Variants in PEX5L observed in about 807,000 individuals in gnomAD.
The protein encoded by PEX5L is peroxisomal biogenesis factor 5 like.
Under a neutral mutation model 84.0 loss-of-function variants are expected in PEX5L, and 30 were observed. The observed-to-expected ratio is 0.36, with a 90% CI of 0.27 to 0.48. PEX5L has a LOEUF of 0.48. Among genes scored for constraint, PEX5L ranks in the 20% least tolerant of loss-of-function variants. The pLI, the probability that PEX5L is intolerant of heterozygous loss-of-function variation, is 0.99. For synonymous variants in PEX5L, 270 were observed against 283.1 expected (o/e 0.95, Z 0.46); for missense variants, 533 against 754.6 (o/e 0.71, Z 3.44).
chr3:180,023,749 T>TAC (rs1241593796), intron 1 of PEX5L, among the ~76,000 whole-genome samples: 46 of 149,000 alleles, frequency 3.1e-4, no homozygotes, highest in African/African-American at 1.1e-3. Context: ...ACCACTCATC[T>TAC]ACACACACAC....
At chr3:179,810,724 G>C (rs796409664) in intron 11 of PEX5L, among the ~76,000 whole-genome samples, 19 of 152,302 alleles carry the variant, frequency 1.2e-4, no homozygotes, top group African/African-American at 4.6e-4. Flanking sequence ...ACTGGGTAGA[G>C]AGGTTCTTAA....
chr3:179,815,787 C>T (rs1335997825), intron 10 of PEX5L, 74 bp downstream of exon 10: 1 of 1,505,606 alleles, frequency 6.6e-7, no homozygotes, highest in Non-Finnish European at 9.2e-7. Context: ...GCTGACCCAG[C>T]AGAGTTCTGT....
At chr3:179,822,525 C>A (rs377128115) in intron 8 of PEX5L, among the ~76,000 whole-genome samples, 1 of 152,228 alleles carries the variant, frequency 6.6e-6, no homozygotes, top group African/African-American at 2.4e-5. Flanking sequence ...TTACAGAAGA[C>A]TACTTTTAGT....
intron 2 of PEX5L, among the ~76,000 whole-genome samples, chr3:179,966,282 G>A (rs1219856379): frequency 6.6e-6 from 1 of 152,132 alleles, no homozygotes. Context: ...GGAGGTTTCT[G>A]TTCTTCTGAC....
At chr3:180,034,670 T>C (rs1791743185) in intron 1 of PEX5L, among the ~76,000 whole-genome samples, 1 of 152,166 alleles carries the variant, frequency 6.6e-6, no homozygotes, top group Non-Finnish European at 1.5e-5. Context: ...TAATGGTTAA[T>C]AGTAAGTAGG....
intron 8 of PEX5L, among the ~76,000 whole-genome samples, chr3:179,841,901 A>G (rs1737458091): frequency 6.6e-6 from 1 of 152,228 alleles, no homozygotes; most frequent in Non-Finnish European, 1.5e-5. Context: ...TATCAATTTC[A>G]CCACCACAAA....
chr3:180,022,524 A>G (rs896081682), intron 1 of PEX5L, among the ~76,000 whole-genome samples: 16 of 152,366 alleles, frequency 1.1e-4, no homozygotes, highest in African/African-American at 3.8e-4. Flanking sequence ...TTAAAACATT[A>G]AAGTAATACA....
At chr3:179,837,196 A>G (rs1368316466) in intron 8 of PEX5L, among the ~76,000 whole-genome samples, 3 of 152,158 alleles carry the variant, frequency 2.0e-5, no homozygotes, top group Admixed American at 2.0e-4. Flanking sequence ...GAAAACCTAT[A>G]AGCTGAAAGT....
At chr3:179,840,170 T>TGA (rs1736565462) in intron 8 of PEX5L, among the ~76,000 whole-genome samples, 2 of 110,556 alleles carry the variant, frequency 1.8e-5, no homozygotes, top group African/African-American at 7.5e-5. Context: ...TTTGTGTGTG[T>TGA]GTGTGTGTGT....
At chr3:179,821,113 C>T (rs1728360747) in intron 8 of PEX5L, among the ~76,000 whole-genome samples, 2 of 152,126 alleles carry the variant, frequency 1.3e-5, no homozygotes, top group Middle Eastern at 3.4e-3. Flanking sequence ...GGCGGGGCGG[C>T]GGGTGGGGGA....
intron 14 of PEX5L, 29 bp from the exon 15 acceptor site, chr3:179,802,061 A>G (rs1446773564): frequency 6.8e-7 from 1 of 1,466,650 alleles, no homozygotes; most frequent in Admixed American, 1.7e-5. Flanking sequence ...ATATTTTAAA[A>G]TGAGTCACAT....
At chr3:179,943,503 A>C (rs1776708382) in intron 2 of PEX5L, among the ~76,000 whole-genome samples, 2 of 152,386 alleles carry the variant, frequency 1.3e-5, no homozygotes, top group South Asian at 4.1e-4. Context: ...TATTGTGAGG[A>C]GAACAGAAAC....
intron 8 of PEX5L, among the ~76,000 whole-genome samples, chr3:179,856,712 A>G (rs376523026): frequency 6.6e-6 from 1 of 152,134 alleles, no homozygotes; most frequent in Non-Finnish European, 1.5e-5. Flanking sequence ...TTTTCTCCAC[A>G]CCTGTTCACA....
chr3:179,990,976 A>G (rs767874246), intron 1 of PEX5L, among the ~76,000 whole-genome samples: 1 of 152,150 alleles, frequency 6.6e-6, no homozygotes, highest in African/African-American at 2.4e-5. Flanking sequence ...AAACAACTCT[A>G]TAATACCCCC....
chr3:179,857,397 A>T (rs1160766400), intron 8 of PEX5L, among the ~76,000 whole-genome samples: 1 of 152,226 alleles, frequency 6.6e-6, no homozygotes, highest in Non-Finnish European at 1.5e-5. Context: ...TCCAAAATGG[A>T]AATGGATTTT....
At chr3:179,818,427 C>CT (rs76237267) in intron 9 of PEX5L, among the ~76,000 whole-genome samples, 13 of 151,922 alleles carry the variant, frequency 8.6e-5, no homozygotes, top group African/African-American at 3.1e-4. Flanking sequence ...AGCATGTATC[C>CT]TTTTTTTGTG....
At chr3:179,859,424 G>T (rs1055124169) in intron 7 of PEX5L, among the ~76,000 whole-genome samples, 7 of 152,154 alleles carry the variant, frequency 4.6e-5, no homozygotes, top group African/African-American at 1.7e-4. Flanking sequence ...ATCTCCCAAA[G>T]ATCTTATTTT....
intron 1 of PEX5L, among the ~76,000 whole-genome samples, chr3:180,021,136 G>A (rs6443686): frequency 0.19 from 28,607 of 152,074 alleles, 4,034 homozygotes; most frequent in African/African-American, 0.4. Context: ...GATACCTTCA[G>A]CTGGATTTTG....
rs183388208 is a variant in PEX5L, at chr3:179,959,867, G to A, written c.93+11727C>T. The stretch of plus-strand genomic sequence containing the variant: ...CAGAATAAGGACAAATTATTTTTTA[G>A]AACTATAGCAGGTATTACTGTACTC... On this transcript the variant is annotated intron_variant, in intron 2 of 14. Transcript: ENST00000467460. Among the ~76,000 whole-genome samples the A allele has an allele frequency of 1.1e-4, 17 of 152,220 alleles. 1 individual carries two copies. Among genetic ancestry groups the A allele is most frequent in the African/African-American group, 3.4e-4 (14 of 41,536 alleles).
Sources: gnomAD v4.1 joint callset for allele counts (sites outside exome capture counted in the v4.1 genomes callset) on GRCh38, gnomAD v4.1.1 for gene constraint, MANE v1.5 for transcripts, NCBI Gene and HGNC (gene_info 2026-07-23, HGNC 2026-07-21) for gene names.